The following ME3 variants were observed in gnomAD, a reference collection of about 807,000 sequenced individuals.
The protein encoded by ME3 is malic enzyme 3.
ME3 carries 48 observed loss-of-function variants against 68.9 expected under a neutral mutation model. The observed-to-expected ratio is 0.70, with a 90% CI of 0.55 to 0.89. The LOEUF is 0.89. ME3 is among the 40% of genes least tolerant of loss of function. The pLI is 0.00. For missense variants in ME3, 675 were observed against 797.4 expected, an observed-to-expected ratio of 0.85 and a Z score of 1.85; for synonymous variants, 320 against 318.8, an observed-to-expected ratio of 1.00 and a Z score of -0.04.
chr11:86,512,711 C>T (rs1353233191), intron 4 of ME3, among the ~76,000 whole-genome samples: 1 of 152,096 alleles, frequency 6.6e-6, no homozygotes, highest in Admixed American at 6.5e-5. Flanking sequence ...AAACACCAGA[C>T]TTTAAGACTT....
intron 2 of ME3, among the ~76,000 whole-genome samples, chr11:86,631,665 A>G (rs1329496741): frequency 6.6e-6 from 1 of 152,210 alleles, no homozygotes; most frequent in Non-Finnish European, 1.5e-5. Context: ...AAGCTTTAAA[A>G]ATAACAGGCA....
intron 2 of ME3, among the ~76,000 whole-genome samples, chr11:86,649,689 A>C (rs544827903): frequency 9.9e-5 from 15 of 152,228 alleles, no homozygotes; most frequent in Non-Finnish European, 1.9e-4. Context: ...CAGCCAAATA[A>C]TGAGTGAACT....
At chr11:86,602,877 T>C (rs1486903626) in intron 2 of ME3, among the ~76,000 whole-genome samples, 1 of 152,184 alleles carries the variant, frequency 6.6e-6, no homozygotes, top group Admixed American at 6.5e-5. Context: ...TAAATGGTGC[T>C]GGGAAAACTG....
chr11:86,488,911 G>C (rs1166122957), intron 6 of ME3, among the ~76,000 whole-genome samples: 2 of 152,170 alleles, frequency 1.3e-5, no homozygotes, highest in African/African-American at 4.8e-5. Context: ...TCCCTTTGGG[G>C]GGCAGATTGG....
At chr11:86,498,120 A>G (rs1349127943) in exon 6 of ME3, 10 of 1,609,256 alleles carry the variant, frequency 6.2e-6, no homozygotes, top group Non-Finnish European at 8.5e-6. Flanking sequence ...AGTCACCACC[A>G]CGGCCTGAAA....
intron 5 of ME3, 137 bp downstream of exon 5, chr11:86,508,655 G>T: frequency 5.3e-6 from 4 of 748,076 alleles, no homozygotes; most frequent in Non-Finnish European, 6.8e-6. Flanking sequence ...GCTATAACAG[G>T]TCTGTGGCTT....
intron 2 of ME3, among the ~76,000 whole-genome samples, chr11:86,649,482 A>G (rs778286005): frequency 6.6e-6 from 1 of 152,230 alleles, no homozygotes; most frequent in African/African-American, 2.4e-5. Context: ...GGCATGAGAA[A>G]GAAATAAAAT....
intron 8 of ME3, among the ~76,000 whole-genome samples, chr11:86,461,459 C>T (rs1950220550): frequency 6.6e-6 from 1 of 152,108 alleles, no homozygotes; most frequent in African/African-American, 2.4e-5. Context: ...TTGGAGTGTT[C>T]AGGATGTTTT....
intron 2 of ME3, among the ~76,000 whole-genome samples, chr11:86,562,682 C>T (rs891560798): frequency 2.6e-5 from 4 of 151,980 alleles, no homozygotes; most frequent in Middle Eastern, 3.2e-3. Context: ...AAATTTCAGC[C>T]TTTATTTTAG....
At chr11:86,594,445 C>T (rs1030137128) in intron 2 of ME3, among the ~76,000 whole-genome samples, 2 of 145,902 alleles carry the variant, frequency 1.4e-5, no homozygotes. Flanking sequence ...AATCCCAGCA[C>T]TTTGGGAGGC....
At chr11:86,529,387 T>C (rs1159446402) in intron 4 of ME3, among the ~76,000 whole-genome samples, 1 of 152,032 alleles carries the variant, frequency 6.6e-6, no homozygotes, top group East Asian at 1.9e-4. Context: ...CCAAAAAAAG[T>C]CCAGGACCAG....
At chr11:86,577,801 C>CA (rs1202249063) in intron 2 of ME3, among the ~76,000 whole-genome samples, 1 of 152,158 alleles carries the variant, frequency 6.6e-6, no homozygotes, top group African/African-American at 2.4e-5. Context: ...AAAATGCTCT[C>CA]ATATGGCTTA....
chr11:86,556,350 C>T (rs1956923937), intron 4 of ME3, among the ~76,000 whole-genome samples: 1 of 152,152 alleles, frequency 6.6e-6, no homozygotes, highest in Admixed American at 6.5e-5. Context: ...GTCAATAAAC[C>T]CTTGCTAGCT....
intron 2 of ME3, among the ~76,000 whole-genome samples, chr11:86,611,491 C>T (rs751485518): frequency 5.3e-5 from 8 of 150,694 alleles, no homozygotes; most frequent in Non-Finnish European, 7.4e-5. Context: ...TGTTAATTCG[C>T]GTGATTGTGG....
intron 2 of ME3, among the ~76,000 whole-genome samples, chr11:86,614,332 C>G (rs554612560): frequency 1.3e-5 from 2 of 152,190 alleles, no homozygotes; most frequent in Admixed American, 1.3e-4. Context: ...TGTATTTTCA[C>G]CACTTATGTA....
At chr11:86,484,753 A>T (rs1951595074) in intron 7 of ME3, among the ~76,000 whole-genome samples, 1 of 152,224 alleles carries the variant, frequency 6.6e-6, no homozygotes, top group South Asian at 2.1e-4. Flanking sequence ...TTCTCTTTTC[A>T]TCCACAGGTG....
intron 2 of ME3, among the ~76,000 whole-genome samples, chr11:86,612,850 T>A (rs1942686512): frequency 6.6e-6 from 1 of 152,244 alleles, no homozygotes; most frequent in South Asian, 2.1e-4. Context: ...CTTCTCCCAT[T>A]CTGTAGATTG....
chr11:86,518,985 G>A (rs1474601511), intron 4 of ME3, among the ~76,000 whole-genome samples: 1 of 152,184 alleles, frequency 6.6e-6, no homozygotes, highest in African/African-American at 2.4e-5. Context: ...GTGTCAGAGG[G>A]AGCACGACCT....
In ME3 at chr11:86,441,242, G is replaced by T. The variant is rs768884266; in HGVS notation, c.*37C>A. 5 of 1,478,254 alleles carry T rather than the reference G, an allele frequency of 3.4e-6. No homozygotes were observed. The East Asian group carries it at 9.5e-5, about 28-fold the overall frequency. The allele number at this position is 1,478,254 out of a possible 1,614,324, so 91.6% of individuals were successfully genotyped here. A position where few individuals can be genotyped will look rare whatever the true frequency, so the allele number is the denominator to read the frequency against. On this transcript the variant is annotated 3_prime_UTR_variant, in exon 15 of 15. Coordinates refer to ENST00000543262, the Ensembl canonical transcript of ME3. ...CATTTATATTGTGGGTGTTACTCTG[G>T]GCTTCATCTAGCCCCATACTAGCCT...
Sources: gnomAD v4.1 joint callset for allele counts (sites outside exome capture counted in the v4.1 genomes callset) on GRCh38, gnomAD v4.1.1 for gene constraint, MANE v1.5 for transcripts, NCBI Gene and HGNC (gene_info 2026-07-23, HGNC 2026-07-21) for gene names.